The following CUL2 variants were observed in gnomAD, a reference collection of about 807,000 sequenced individuals.
CUL2 encodes the protein cullin-2.
Under a neutral mutation model 110.2 loss-of-function variants are expected in CUL2, and 22 were observed. The observed-to-expected ratio is 0.20, with a 90% CI of 0.14 to 0.28. The LOEUF (loss-of-function observed/expected upper bound fraction) is 0.28. Ranked by LOEUF, CUL2 falls within the 10% of genes least tolerant of loss-of-function variation. The probability of loss-of-function intolerance (pLI) is 1.00; values close to 1 mark genes in which losing one functional copy is unlikely to be tolerated. For missense variants in CUL2, 631 were observed against 905.5 expected, an observed-to-expected ratio of 0.70 and a Z score of 3.89; for synonymous variants, 279 against 293.2, an observed-to-expected ratio of 0.95 and a Z score of 0.49.
intron 20 of CUL2, 83 bp downstream of exon 20, chr10:35,011,765 C>A (rs1018707768): frequency 4.4e-6 from 3 of 687,674 alleles, no homozygotes; most frequent in Non-Finnish European, 7.6e-6. Flanking sequence ...ATTTCTGTAT[C>A]CTCTTTAAGA....
At chr10:35,028,144 T>C (rs964617463) in intron 16 of CUL2, among the ~76,000 whole-genome samples, 2 of 152,212 alleles carry the variant, frequency 1.3e-5, no homozygotes, top group South Asian at 4.1e-4. Flanking sequence ...TGGATTATAG[T>C]CTGCCCCATC....
At chr10:35,040,755 TG>T (rs1228073006) in intron 8 of CUL2, among the ~76,000 whole-genome samples, 1 of 152,158 alleles carries the variant, frequency 6.6e-6, no homozygotes, top group Non-Finnish European at 1.5e-5. Flanking sequence ...TGGGGGCAGG[TG>T]GCTTCCAGGT....
intron 1 of CUL2, among the ~76,000 whole-genome samples, chr10:35,081,691 C>T (rs997430771): frequency 3.9e-5 from 6 of 152,044 alleles, no homozygotes; most frequent in South Asian, 4.1e-4. Flanking sequence ...CCCAGGAGTT[C>T]GCAGCCAACC....
At chr10:35,109,298 A>G (rs1199510274) in intron 1 of CUL2, among the ~76,000 whole-genome samples, 1 of 152,206 alleles carries the variant, frequency 6.6e-6, no homozygotes, top group Non-Finnish European at 1.5e-5. Context: ...AACCAGGCAG[A>G]ATTATACATT....
intron 17 of CUL2, among the ~76,000 whole-genome samples, chr10:35,020,968 T>G (rs2085165431): frequency 1.3e-5 from 2 of 151,250 alleles, no homozygotes; most frequent in South Asian, 2.1e-4. Context: ...TATGGGTTTT[T>G]TTTTTTTTTT....
At chr10:35,110,739 C>T (rs1016700163) in intron 1 of CUL2, among the ~76,000 whole-genome samples, 1 of 152,094 alleles carries the variant, frequency 6.6e-6, no homozygotes, top group Admixed American at 6.6e-5. Context: ...CCTCTTCACA[C>T]ATTTGTCTCT....
chr10:35,017,217 A>T (rs2085059214), intron 17 of CUL2, among the ~76,000 whole-genome samples: 1 of 152,136 alleles, frequency 6.6e-6, no homozygotes, highest in African/African-American at 2.4e-5. Context: ...TATGTCTCAT[A>T]AACAACATTT....
intron 6 of CUL2, among the ~76,000 whole-genome samples, chr10:35,046,471 G>A (rs536416605): frequency 6.6e-6 from 1 of 152,244 alleles, no homozygotes; most frequent in Non-Finnish European, 1.5e-5. Flanking sequence ...CCTAATATAC[G>A]CCACTAGGAG....
intron 2 of CUL2, among the ~76,000 whole-genome samples, chr10:35,064,631 A>G (rs1296119229): frequency 6.6e-6 from 1 of 152,016 alleles, no homozygotes; most frequent in Non-Finnish European, 1.5e-5. Context: ...AGCCCTCTCC[A>G]CATTTATTTA....
At chr10:35,116,050 A>T (rs562799362) in intron 1 of CUL2, among the ~76,000 whole-genome samples, 1 of 152,216 alleles carries the variant, frequency 6.6e-6, no homozygotes, top group African/African-American at 2.4e-5. Flanking sequence ...AGGATAAAAA[A>T]AAATATTATG....
At chr10:35,019,272 T>G (rs1357367155) in intron 17 of CUL2, among the ~76,000 whole-genome samples, 3 of 152,184 alleles carry the variant, frequency 2.0e-5, no homozygotes, top group African/African-American at 7.2e-5. Flanking sequence ...TCTTCTGCCG[T>G]CTTTCAGCAC....
At chr10:35,050,676 T>C (rs2134849222) in intron 5 of CUL2, among the ~76,000 whole-genome samples, 1 of 152,350 alleles carries the variant, frequency 6.6e-6, no homozygotes, top group South Asian at 2.1e-4. Flanking sequence ...TTGGCACTGC[T>C]ATACAGCATC....
In CUL2 at chr10:35,010,245, T is replaced by A. The variant is rs948442324; in HGVS notation, c.*66A>T. The A allele has an allele frequency of 6.9e-7, 1 of 1,456,516 alleles. No homozygotes were observed. The highest frequency in any genetic ancestry group is 9.1e-7 in the Non-Finnish European group (1 of 1,095,646). The allele number at this position is 1,456,516 out of a possible 1,614,324, so 90.2% of individuals were successfully genotyped here. On this transcript the variant is annotated 3_prime_UTR_variant, in exon 21 of 21. Transcript: ENST00000374749. ...ATTATGGAGGCACAGTCCTGCTTTTTCCCACAGGAACACACCAAATGGTGA... is the reference window on the plus strand; with the variant it reads ...ATTATGGAGGCACAGTCCTGCTTTTACCCACAGGAACACACCAAATGGTGA...
intron 9 of CUL2, among the ~76,000 whole-genome samples, chr10:35,037,950 T>A (rs1318299137): frequency 6.6e-6 from 1 of 150,952 alleles, no homozygotes; most frequent in Non-Finnish European, 1.5e-5. Context: ...GGTCAGGAGC[T>A]CAAGACCAGG....
At chr10:35,086,449 G>C (rs1189894665) in intron 1 of CUL2, among the ~76,000 whole-genome samples, 2 of 152,056 alleles carry the variant, frequency 1.3e-5, no homozygotes, top group African/African-American at 4.8e-5. Context: ...CACCACACCT[G>C]GCTAATTTCT....
chr10:35,008,577 A>T lies in CUL2; in HGVS notation c.*1734T>A, dbSNP rs2084817673. ...CAATTTGGAAAACTTTTATCAATCA[A>T]CAAGTTATCAAAACAAGGGTTTGCT... On this transcript the variant is annotated 3_prime_UTR_variant, in exon 21 of 21. Coordinates refer to ENST00000374749, the MANE Select transcript of CUL2 (RefSeq NM_003591.4). 6.6e-6 allele frequency: 1 copy of T among 152,228 alleles called. No homozygotes were observed. Among genetic ancestry groups the T allele is most frequent in the Non-Finnish European group, 1.5e-5 (1 of 68,042 alleles). 9.4% of individuals were successfully genotyped at this position (152,228 alleles called of 1,614,324 possible). A position where few individuals can be genotyped will look rare whatever the true frequency, so the allele number is the denominator to read the frequency against.
At chr10:35,039,224 C>A in intron 8 of CUL2, 142 bp from the exon 9 acceptor site, 2 of 480,026 alleles carry the variant, frequency 4.2e-6, no homozygotes, top group South Asian at 4.5e-5. Context: ...GCAATTTAAA[C>A]CCACATTCTA....
Position 35,010,308 on chromosome 10 carries a change from A to T in CUL2, c.*3T>A. Reference sequence around the variant, plus strand: ...TCTCACACCACGCTGGAGGAGAGCGACATCACGCGACGTAGCTGTATTCAT... The same window carrying T: ...TCTCACACCACGCTGGAGGAGAGCGTCATCACGCGACGTAGCTGTATTCAT... On this transcript the variant is annotated 3_prime_UTR_variant, in exon 21 of 21. Coordinates refer to ENST00000374749, the MANE Select transcript of CUL2 (RefSeq NM_003591.4). 1.4e-5 allele frequency: 22 copies of T among 1,604,912 alleles called. No individual in the cohort carries two copies. Among genetic ancestry groups the T allele is most frequent in the Non-Finnish European group, 1.8e-5 (21 of 1,175,436 alleles).
intron 1 of CUL2, among the ~76,000 whole-genome samples, chr10:35,107,480 G>A (rs1280447532): frequency 6.6e-6 from 1 of 152,166 alleles, no homozygotes; most frequent in Non-Finnish European, 1.5e-5. Flanking sequence ...GAGAACTAGA[G>A]AAGTAGGGAC....
Sources: gnomAD v4.1 joint callset for allele counts (sites outside exome capture counted in the v4.1 genomes callset) on GRCh38, gnomAD v4.1.1 for gene constraint, MANE v1.5 for transcripts, NCBI Gene and HGNC (gene_info 2026-07-23, HGNC 2026-07-21) for gene names.